Variants in LIPA observed in about 807,000 individuals in gnomAD.
LIPA encodes the protein lipase A, lysosomal acid type.
LIPA carries 26 observed loss-of-function variants against 40.6 expected under a neutral mutation model. That is an observed-to-expected ratio of 0.64 (90% confidence interval 0.47 to 0.89). The LOEUF (loss-of-function observed/expected upper bound fraction) is 0.89, where lower values mean the gene tolerates loss of function less well. Ranked by LOEUF, LIPA falls within the 40% of genes least tolerant of loss-of-function variation. The pLI, the probability that LIPA is intolerant of heterozygous loss-of-function variation, is 0.00. For synonymous variants in LIPA, 188 were observed against 168.4 expected, an observed-to-expected ratio of 1.12 and a Z score of -0.90; for missense variants, 455 against 479.6, an observed-to-expected ratio of 0.95 and a Z score of 0.48.
chr10:89,260,378 C>G (rs1176589929), intron 1 of LIPA, among the ~76,000 whole-genome samples: 1 of 152,206 alleles, frequency 6.6e-6, no homozygotes, highest in African/African-American at 2.4e-5. Flanking sequence ...GGCTCCTGCC[C>G]TCAGTGCATA....
chr10:89,346,330 T>G (rs927845651), upstream of LIPA, among the ~76,000 whole-genome samples: 1 of 152,218 alleles, frequency 6.6e-6, no homozygotes, highest in Admixed American at 6.5e-5. Context: ...TATAATCAAC[T>G]AATCTACAAG....
chr10:89,361,575 T>C (rs1844021887), intron 2 of LIPA, among the ~76,000 whole-genome samples: 2 of 152,308 alleles, frequency 1.3e-5, no homozygotes, highest in African/African-American at 2.4e-5. Context: ...TCATATAGCA[T>C]TGAGGAGTTC....
At position 89,225,112 on chromosome 10, in the gene LIPA, A is replaced by T. The variant is rs769853755; in HGVS notation, c.655T>A (p.Leu219Ile). Reference sequence around the variant, plus strand: ...AGTACCTTAATGAGATGATCTGGTAATCGTCCTAATTTGGCCATAGGGCTA... The same window carrying T: ...AGTACCTTAATGAGATGATCTGGTATTCGTCCTAATTTGGCCATAGGGCTA... ...CTSPMAKLGR[L>I]PDHLIKDLFG... Residue 219 changes from leucine (L) to isoleucine (I), a missense_variant, in exon 6 of 10, where the codon TTA (leucine) becomes ATA (isoleucine). Transcript: ENST00000336233. 9.3e-6 allele frequency: 15 copies of T among 1,614,070 alleles called. No individual in the cohort carries two copies. The highest frequency in any genetic ancestry group is 1.3e-5 in the Non-Finnish European group (15 of 1,180,040).
intron 1 of LIPA, among the ~76,000 whole-genome samples, chr10:89,334,667 G>A (rs12244571): frequency 0.062 from 9,272 of 150,050 alleles, 682 homozygotes; most frequent in African/African-American, 0.18. Context: ...TAATTTTTGT[G>A]TTTTTAGTAC....
At chr10:89,378,025 A>G in intron 2 of LIPA, 1 of 1,166,038 alleles carries the variant, frequency 8.6e-7, no homozygotes. Flanking sequence ...TACCTCCCAT[A>G]TATAAGCACC....
intron 1 of LIPA, among the ~76,000 whole-genome samples, chr10:89,275,478 A>G (rs1212409044): frequency 6.6e-6 from 1 of 152,170 alleles, no homozygotes. Flanking sequence ...TGCCCACTGG[A>G]CATTCATCCA....
At chr10:89,344,423 A>C (rs1321873540), upstream of LIPA, among the ~76,000 whole-genome samples, 3 of 152,124 alleles carry the variant, frequency 2.0e-5, no homozygotes, top group Non-Finnish European at 2.9e-5. Flanking sequence ...CTCACATAAA[A>C]CCAGGACCCA....
At chr10:89,413,094 A>C (rs1043263195) in intron 1 of LIPA, among the ~76,000 whole-genome samples, 25 of 152,222 alleles carry the variant, frequency 1.6e-4, no homozygotes, top group African/African-American at 5.5e-4. Flanking sequence ...CTTACAAGTG[A>C]GAACATGCAG....
chr10:89,276,655 C>G lies in LIPA; in HGVS notation c.-1-29006G>C, dbSNP rs1000106. Among the ~76,000 whole-genome samples, 227 of 152,188 alleles carry G rather than the reference C, an allele frequency of 1.5e-3. 2 individuals are homozygous for G. The East Asian group carries it at 0.023, about 15-fold the overall frequency. On this transcript the variant is annotated intron_variant, in intron 1 of 5. Transcript: ENST00000282673. ...GGAAGAGACTTATTTTTCTGTCTAC[C>G]AAACTGTAAGGCATTTGAGGGTAGG...
intron 2 of LIPA, among the ~76,000 whole-genome samples, chr10:89,356,086 G>A (rs1194103036): frequency 6.6e-6 from 1 of 152,148 alleles, no homozygotes; most frequent in Non-Finnish European, 1.5e-5. Context: ...TTTACTCTGT[G>A]GACTTGCCCT....
At chr10:89,403,339 A>G (rs758014557) in intron 2 of LIPA, 3 of 1,613,248 alleles carry the variant, frequency 1.9e-6, no homozygotes, top group Non-Finnish European at 2.5e-6. Context: ...GAAGCAGGCA[A>G]TCACAGAAAA....
At chr10:89,407,523 T>G (rs1841431891) in intron 2 of LIPA, among the ~76,000 whole-genome samples, 1 of 152,228 alleles carries the variant, frequency 6.6e-6, no homozygotes, top group Non-Finnish European at 1.5e-5. Context: ...CAAGCAGGCC[T>G]AACAAAAGCT....
At chr10:89,342,223 T>C (rs1191662358) in intron 1 of LIPA, among the ~76,000 whole-genome samples, 1 of 152,184 alleles carries the variant, frequency 6.6e-6, no homozygotes, top group Non-Finnish European at 1.5e-5. Flanking sequence ...AAATGCTAGA[T>C]GGAATGGGAC....
intron 3 of LIPA, among the ~76,000 whole-genome samples, chr10:89,238,308 G>T (rs1842929267): frequency 6.6e-6 from 1 of 152,142 alleles, no homozygotes; most frequent in African/African-American, 2.4e-5. Context: ...CCAGACGATG[G>T]GAAAGAAGAC....
chr10:89,242,889 C>G (rs1414312792), intron 3 of LIPA, among the ~76,000 whole-genome samples: 2 of 152,144 alleles, frequency 1.3e-5, no homozygotes, highest in Non-Finnish European at 2.9e-5. Context: ...GAGCTTATTT[C>G]AGGCGCCCAG....
At chr10:89,259,093 G>A (rs533650481) in intron 1 of LIPA, among the ~76,000 whole-genome samples, 21 of 152,314 alleles carry the variant, frequency 1.4e-4, no homozygotes, top group African/African-American at 4.8e-4. Flanking sequence ...TGATGAAAAT[G>A]TTCTAAAATT....
chr10:89,268,039 T>A (rs1843246812), intron 1 of LIPA, among the ~76,000 whole-genome samples: 1 of 152,242 alleles, frequency 6.6e-6, no homozygotes, highest in African/African-American at 2.4e-5. Context: ...AATTATCTAT[T>A]TTAAAATTAT....
At chr10:89,381,159 C>T (rs1173434100) in intron 2 of LIPA, among the ~76,000 whole-genome samples, 2 of 152,132 alleles carry the variant, frequency 1.3e-5, no homozygotes, top group African/African-American at 4.8e-5. Flanking sequence ...ATTTAGAAAG[C>T]TTGGAATGGC....
rs750301834 is a variant in LIPA at position 89,214,999 on chromosome 10, AC to A, written c.1028del (p.Gly343ValfsTer15). On this transcript the variant is annotated frameshift_variant, in exon 10 of 10. Coordinates refer to ENST00000336233, the MANE Select transcript of LIPA (RefSeq NM_000235.4). LOFTEE classifies it low-confidence loss of function (END_TRUNC). ...CGTAGACATCTGCAAGCCAGTCGTGACCCCCGCTCCAGACTGCAGTCGGCAC... is the reference window on the plus strand; with the variant it reads ...CGTAGACATCTGCAAGCCAGTCGTGACCCCGCTCCAGACTGCAGTCGGCAC... Reference protein sequence around the residue: ...MLVPTAVWSGGHDWLADVYDV... With the variant: ...MLVPTAVWSGXHDWLADVYDV... 5 of 1,614,062 alleles carry A rather than the reference AC, an allele frequency of 3.1e-6. No homozygotes were observed. Among genetic ancestry groups the A allele is most frequent in the Non-Finnish European group, 4.2e-6 (5 of 1,179,994 alleles).
Sources: gnomAD v4.1 joint callset for allele counts (sites outside exome capture counted in the v4.1 genomes callset) on GRCh38, gnomAD v4.1.1 for gene constraint, MANE v1.5 for transcripts, NCBI Gene and HGNC (gene_info 2026-07-23, HGNC 2026-07-21) for gene names.